Variants in CLNK observed in about 807,000 individuals in gnomAD.
The protein encoded by CLNK is cytokine dependent hematopoietic cell linker.
In CLNK, 74 loss-of-function variants were observed where a neutral mutation model predicts 68.6. That is an observed-to-expected ratio of 1.08 (90% CI 0.89 to 1.31). The LOEUF is 1.31. Ranked by LOEUF, CLNK falls within the 50% of genes most tolerant of loss-of-function variation. The pLI, the probability that CLNK is intolerant of heterozygous loss-of-function variation, is 0.00. For synonymous variants in CLNK, 198 were observed against 172.2 expected (o/e 1.15, Z -1.17); for missense variants, 553 against 515.3 (o/e 1.07, Z -0.71).
At chr4:10,684,392 CG>C (rs1304312809) in intron 1 of CLNK, among the ~76,000 whole-genome samples, 4 of 152,108 alleles carry the variant, frequency 2.6e-5, no homozygotes, top group African/African-American at 9.7e-5. Context: ...TGCAAACAGT[CG>C]GGGAGTCCAA....
intron 2 of CLNK, among the ~76,000 whole-genome samples, chr4:10,608,014 T>G (rs1003127865): frequency 6.6e-6 from 1 of 152,184 alleles, no homozygotes; most frequent in African/African-American, 2.4e-5. Flanking sequence ...CATTAGCAGC[T>G]GAAAATCTAG....
chr4:10,710,390 T>G, the CLNK span, among the ~76,000 whole-genome samples: 1 of 152,194 alleles, frequency 6.6e-6, no homozygotes, highest in African/African-American at 2.4e-5. Context: ...AAAAGTGGAC[T>G]AAGTAAACTG....
intron 17 of CLNK, among the ~76,000 whole-genome samples, chr4:10,503,349 C>G (rs764480318): frequency 3.4e-4 from 52 of 151,818 alleles, no homozygotes; most frequent in Middle Eastern, 3.4e-3. Flanking sequence ...GTTATCCTAG[C>G]TACTCCAGAG....
At chr4:10,672,373 T>A (rs982567042) in intron 1 of CLNK, among the ~76,000 whole-genome samples, 3 of 152,182 alleles carry the variant, frequency 2.0e-5, no homozygotes, top group Admixed American at 2.0e-4. Flanking sequence ...GTTTAACCAT[T>A]CTGAGCCTCC....
the CLNK span, among the ~76,000 whole-genome samples, chr4:10,706,630 A>G: frequency 2.0e-5 from 3 of 151,912 alleles, no homozygotes; most frequent in African/African-American, 7.3e-5. Context: ...CTGCCCAACT[A>G]TTTTTCTCAT....
At chr4:10,561,755 A>T (rs1453521958) in intron 7 of CLNK, among the ~76,000 whole-genome samples, 3 of 152,362 alleles carry the variant, frequency 2.0e-5, no homozygotes, top group East Asian at 3.9e-4. Flanking sequence ...TGATGATAGC[A>T]GCAAATAGTA....
chr4:10,500,416 C>T (rs573913989), intron 18 of CLNK, among the ~76,000 whole-genome samples: 1 of 152,302 alleles, frequency 6.6e-6, no homozygotes, highest in African/African-American at 2.4e-5. Context: ...CACAGTGGCT[C>T]ACGCCTGTAA....
At chr4:10,535,263 G>GAAAGAAAGA (rs1225148465) in intron 11 of CLNK, among the ~76,000 whole-genome samples, 1 of 144,822 alleles carries the variant, frequency 6.9e-6, no homozygotes, top group African/African-American at 2.6e-5. Flanking sequence ...AAGAAAGAAA[G>GAAAGAAAGA]AAAAAATGGA....
intron 2 of CLNK, among the ~76,000 whole-genome samples, chr4:10,625,264 G>A (rs1005639794): frequency 6.6e-6 from 1 of 152,222 alleles, no homozygotes; most frequent in African/African-American, 2.4e-5. Flanking sequence ...ATAATTGAAA[G>A]CAGAGCTGTC....
At chr4:10,517,558 T>A (rs1253765535) in intron 15 of CLNK, 1 of 152,164 alleles carries the variant, frequency 6.6e-6, no homozygotes, top group East Asian at 1.9e-4. Context: ...AAAATTGACT[T>A]GAGACTTATT....
chr4:10,544,851 G>A (rs906754365), intron 8 of CLNK, among the ~76,000 whole-genome samples: 13 of 152,188 alleles, frequency 8.5e-5, no homozygotes, highest in African/African-American at 3.1e-4. Flanking sequence ...GTGCAGGACA[G>A]CACATGGCGA....
intron 2 of CLNK, among the ~76,000 whole-genome samples, chr4:10,622,393 A>C (rs966966992): frequency 2.6e-5 from 4 of 152,214 alleles, no homozygotes; most frequent in African/African-American, 9.7e-5. Flanking sequence ...TAAAAATGCA[A>C]AAGAAATGTC....
chr4:10,688,623 C>A (rs1413193303), upstream of CLNK, among the ~76,000 whole-genome samples: 1 of 152,058 alleles, frequency 6.6e-6, no homozygotes, highest in African/African-American at 2.4e-5. Flanking sequence ...TCTCCTTTCT[C>A]CCCTTTAAAA....
chr4:10,611,581 C>A (rs1722028097), intron 2 of CLNK, among the ~76,000 whole-genome samples: 1 of 151,788 alleles, frequency 6.6e-6, no homozygotes, highest in Admixed American at 6.6e-5. Context: ...AGAGGGGCTT[C>A]TAGAGAAGGA....
chr4:10,504,761 G>A (rs1044280548), intron 17 of CLNK, among the ~76,000 whole-genome samples: 2 of 152,096 alleles, frequency 1.3e-5, no homozygotes, highest in Non-Finnish European at 2.9e-5. Context: ...ACTCTGAAAC[G>A]ATTTGTCAAA....
intron 2 of CLNK, among the ~76,000 whole-genome samples, chr4:10,646,527 G>T (rs1034225859): frequency 6.6e-6 from 1 of 152,148 alleles, no homozygotes; most frequent in Non-Finnish European, 1.5e-5. Context: ...AATTCATTTT[G>T]CCAGGAAGAA....
rs902848383 is a variant in CLNK, at chr4:10,499,518, G to C, written c.1140+1738C>G. On this transcript the variant is annotated intron_variant, in intron 18 of 18. Transcript: ENST00000226951. ...ACGGGATTTAAGCTGGAATCTTTAT[G>C]CAGCCTGCGCATCGATTTCACACGT... Among the ~76,000 whole-genome samples the C allele has an allele frequency of 3.3e-5, 5 of 152,296 alleles. 1 individual carries two copies. The highest frequency in any genetic ancestry group is 3.4e-3 in the Middle Eastern group (1 of 294).
At chr4:10,731,916 C>A in the CLNK span, among the ~76,000 whole-genome samples, 2 of 152,144 alleles carry the variant, frequency 1.3e-5, no homozygotes, top group Non-Finnish European at 2.9e-5. Flanking sequence ...GGATTAGCAA[C>A]GGTCTCTCTG....
chr4:10,519,601 T>A (rs554352858), intron 15 of CLNK, among the ~76,000 whole-genome samples: 1 of 152,280 alleles, frequency 6.6e-6, no homozygotes, highest in Non-Finnish European at 1.5e-5. Context: ...GGAAACGCAT[T>A]AGCAATGTGT....
Sources: allele counts gnomAD v4.1 joint callset (sites outside exome capture counted in the v4.1 genomes callset), GRCh38; gene constraint gnomAD v4.1.1; transcripts MANE v1.5; gene names NCBI Gene and HGNC (gene_info 2026-07-23, HGNC 2026-07-21).